The following MCMBP variants were observed in gnomAD, a reference collection of about 807,000 sequenced individuals.
MCMBP encodes mini-chromosome maintenance complex-binding protein.
A neutral mutation model predicts 81.3 loss-of-function variants in MCMBP; 31 were observed. That is an observed-to-expected ratio of 0.38 (90% CI 0.29 to 0.51). MCMBP has a LOEUF of 0.51. Among genes scored for constraint, MCMBP ranks in the 20% least tolerant of loss-of-function variants. The pLI is 0.87. For synonymous variants in MCMBP, 267 were observed against 275.9 expected, an observed-to-expected ratio of 0.97 and a Z score of 0.32; for missense variants, 645 against 772.1, an observed-to-expected ratio of 0.84 and a Z score of 1.95.
chr10:119,867,514 T>C (rs940793032), intron 1 of MCMBP, among the ~76,000 whole-genome samples: 2 of 152,150 alleles, frequency 1.3e-5, no homozygotes, highest in African/African-American at 2.4e-5. Flanking sequence ...ACGATTGTCC[T>C]ACCTAACTCT....
At chr10:119,849,723 C>T (rs1852741238) in intron 6 of MCMBP, 147 bp from the exon 7 acceptor site, 4 of 624,530 alleles carry the variant, frequency 6.4e-6, no homozygotes, top group South Asian at 5.5e-5. Context: ...GGAAACAGCA[C>T]ATACTAACAA....
At chr10:119,857,523 A>C in intron 4 of MCMBP, 84 bp from the exon 5 acceptor site, 2 of 719,986 alleles carry the variant, frequency 2.8e-6, no homozygotes, top group South Asian at 2.1e-5. Flanking sequence ...ACATTTTCAC[A>C]TTATAACACC....
In MCMBP at chr10:119,843,238, T is replaced by C. The variant is rs1852500026; in HGVS notation, c.1000+16A>G. 1 of 1,613,100 alleles carries C rather than the reference T, an allele frequency of 6.2e-7. No homozygotes were observed. The highest frequency in any genetic ancestry group is 1.1e-5 in the South Asian group (1 of 90,950). ...TAACAGTCGATAGTTGACTAGGCTGTAACACTTACACTTACAGGTTTTGCT... is the reference window on the plus strand; with the variant it reads ...TAACAGTCGATAGTTGACTAGGCTGCAACACTTACACTTACAGGTTTTGCT... On this transcript the variant is annotated intron_variant, in intron 9 of 15. Coordinates refer to ENST00000369077, the MANE Select transcript of MCMBP (RefSeq NM_001256378.2).
At chr10:119,871,937 G>A (rs2134419327) in intron 1 of MCMBP, among the ~76,000 whole-genome samples, 1 of 152,276 alleles carries the variant, frequency 6.6e-6, no homozygotes, top group Non-Finnish European at 1.5e-5. Flanking sequence ...GCTGGCTCTG[G>A]CACAGGAGCA....
In MCMBP at chr10:119,850,619, G is replaced by C. The variant is rs190244724; in HGVS notation, c.575-1043C>G. On this transcript the variant is annotated intron_variant, in intron 6 of 15. Transcript: ENST00000369077. ...AAAAAATTAGCCAGGCGTGGTGATG[G>C]GGGCCTGTAGTCCCAGCTACTCGGG... 3.9e-3 allele frequency among the ~76,000 whole-genome samples: 588 copies of C among 151,506 alleles called. 3 individuals carry two copies. Among genetic ancestry groups the C allele is most frequent in the African/African-American group, 0.014 (566 of 41,304 alleles).
At position 119,847,631 on chromosome 10, in the gene MCMBP, A is replaced by G. The variant is rs752995516; in HGVS notation, c.809T>C (p.Ile270Thr). Residue 270 changes from isoleucine (I) to threonine (T), a missense_variant, in exon 8 of 16, where the codon ATA (isoleucine) becomes ACA (threonine). Coordinates refer to ENST00000369077, the MANE Select transcript of MCMBP (RefSeq NM_001256378.2). ...GACTCACCTTTCATCATTATTCAGT[A>G]TACTCAGCACAGGATCCACAGACAG... ...GILSVDPVLS[I>T]LNNDERDASA... 1.9e-6 allele frequency: 3 copies of G among 1,605,446 alleles called. No homozygotes were observed. Among genetic ancestry groups the G allele is most frequent in the Admixed American group, 1.7e-5 (1 of 59,872 alleles).
Sources: gnomAD v4.1 joint callset for allele counts (sites outside exome capture counted in the v4.1 genomes callset) on GRCh38, gnomAD v4.1.1 for gene constraint, MANE v1.5 for transcripts, NCBI Gene and HGNC (gene_info 2026-07-23, HGNC 2026-07-21) for gene names.